Variants in IL1R2 observed in about 807,000 individuals in gnomAD.
IL1R2 encodes interleukin-1 receptor type 2.
Under a neutral mutation model 39.5 loss-of-function variants are expected in IL1R2, and 46 were observed. That is an observed-to-expected ratio of 1.16 (90% confidence interval 0.92 to 1.49). IL1R2 has a LOEUF of 1.49. IL1R2 is among the 40% of genes most tolerant of loss of function. The pLI is 0.00. For synonymous variants in IL1R2, 207 were observed against 189.6 expected (o/e 1.09, Z -0.75); for missense variants, 537 against 502.0 (o/e 1.07, Z -0.67).
chr2:101,997,127 G>C lies in IL1R2; in HGVS notation c.-62+5116G>C, dbSNP rs180901101. On this transcript the variant is annotated intron_variant, in intron 1 of 8. Transcript: ENST00000332549. ...ACGTGCTGACCTGGGGTAGGCACTG[G>C]CTTCTGTGGAGATGTCCCTGGACCT... 3.6e-4 allele frequency among the ~76,000 whole-genome samples: 55 copies of C among 152,278 alleles called. No individual in the cohort carries two copies. In the East Asian group the frequency reaches 9.5e-3, roughly 26 times the overall value.
intron 8 of IL1R2, 147 bp downstream of exon 8, chr2:102,026,400 A>G (rs1257229415): frequency 1.7e-5 from 11 of 656,474 alleles, no homozygotes. Context: ...GAAACCTCCC[A>G]TTTTTAAAGA....
At chr2:101,993,891 C>T (rs1675461669) in intron 1 of IL1R2, among the ~76,000 whole-genome samples, 1 of 152,112 alleles carries the variant, frequency 6.6e-6, no homozygotes, top group Non-Finnish European at 1.5e-5. Flanking sequence ...TGGAACCTCC[C>T]AGCGCCGCAT....
At chr2:102,019,584 C>A (rs1677226509) in intron 4 of IL1R2, 54 bp from the exon 5 acceptor site, 2 of 1,209,868 alleles carry the variant, frequency 1.7e-6, no homozygotes, top group Middle Eastern at 2.0e-4. Flanking sequence ...TAATTCATAG[C>A]CTTTGAGATG....
In IL1R2 at chr2:102,027,938, G is replaced by A. The variant is rs555306129; in HGVS notation, c.1031-288G>A. Among the ~76,000 whole-genome samples, 15 of 152,162 alleles carry A rather than the reference G, an allele frequency of 9.9e-5. No homozygotes were observed. The South Asian group carries it at 2.7e-3, about 27-fold the overall frequency. On this transcript the variant is annotated intron_variant, in intron 8 of 8. Coordinates refer to ENST00000332549, the MANE Select transcript of IL1R2 (RefSeq NM_004633.4). ...GACATAAACAGACAGCATCTTAAAC[G>A]CACAGTGTCCCACTGTTGGAACAAA... is the stretch of plus-strand genomic sequence containing the variant.
At chr2:102,013,923 T>G (rs1676825420) in intron 3 of IL1R2, among the ~76,000 whole-genome samples, 1 of 152,122 alleles carries the variant, frequency 6.6e-6, no homozygotes, top group Non-Finnish European at 1.5e-5. Flanking sequence ...GTGCTCAGAA[T>G]AGGGAGAACT....
intron 1 of IL1R2, among the ~76,000 whole-genome samples, chr2:101,994,628 C>G (rs771895594): frequency 2.0e-5 from 3 of 152,098 alleles, no homozygotes; most frequent in Non-Finnish European, 2.9e-5. Flanking sequence ...CTTTGAGAAC[C>G]CTTTCCTTAG....
chr2:101,995,491 C>T (rs765988464), intron 1 of IL1R2, among the ~76,000 whole-genome samples: 2 of 152,156 alleles, frequency 1.3e-5, no homozygotes, highest in African/African-American at 2.4e-5. Context: ...ACAGCCCAAA[C>T]GATACCTTGA....
At chr2:102,025,192 A>G (rs530597008) in intron 7 of IL1R2, among the ~76,000 whole-genome samples, 1 of 152,250 alleles carries the variant, frequency 6.6e-6, no homozygotes, top group Non-Finnish European at 1.5e-5. Context: ...AGACTCGAAC[A>G]ATCAGACCTT....
In IL1R2 at chr2:102,003,422, TCCCA is replaced by T. The variant is rs1446362163; in HGVS notation, c.-61-5092_-61-5089del. Among the ~76,000 whole-genome samples the T allele has an allele frequency of 1.1e-3, 146 of 128,726 alleles. 36 individuals are homozygous for T. Among genetic ancestry groups the T allele is most frequent in the East Asian group, 4.9e-3 (18 of 3,676 alleles). The allele number at this position is 128,726 out of a possible 152,430, so 84.4% of individuals were successfully genotyped here. On this transcript the variant is annotated intron_variant, in intron 1 of 8. Transcript: ENST00000332549. Reference sequence around the variant, plus strand: ...TCTGTGTCTTTGTCCCCTGTCTGTGTCCCATGTCTGTGTCTGTGTCTGGCTGTGG... The same window carrying T: ...TCTGTGTCTTTGTCCCCTGTCTGTGTTGTCTGTGTCTGTGTCTGGCTGTGG...
chr2:102,015,754 C>A, intron 3 of IL1R2, 117 bp from the exon 4 acceptor site: 1 of 812,078 alleles, frequency 1.2e-6, no homozygotes. Flanking sequence ...ACCATCTGTA[C>A]TAATCCAGAA....
intron 1 of IL1R2, among the ~76,000 whole-genome samples, chr2:101,998,753 G>A (rs924395005): frequency 6.6e-6 from 1 of 152,170 alleles, no homozygotes; most frequent in African/African-American, 2.4e-5. Flanking sequence ...GGTGGTCTCA[G>A]GGCAGTTGGA....
Position 102,009,725 on chromosome 2 carries a change from G to C in IL1R2, c.231G>C (p.Thr77=). The C allele has an allele frequency of 6.2e-7, 1 of 1,614,168 alleles. No individual in the cohort carries two copies. The highest frequency in any genetic ancestry group is 1.3e-5 in the African/African-American group (1 of 75,016). The change falls in exon 3 of 9, where the codon ACG becomes ACC. Residue 77 remains threonine, a synonymous_variant. Coordinates refer to ENST00000332549, the MANE Select transcript of IL1R2 (RefSeq NM_004633.4). The stretch of plus-strand genomic sequence containing the variant: ...GGCATAAAAATGACTCTGCTAGGAC[G>C]GTCCCAGGAGAAGAAGAGACACGGA... ...LTWHKNDSAR[T]VPGEEETRMW...
At chr2:101,995,917 T>C (rs537461567) in intron 1 of IL1R2, among the ~76,000 whole-genome samples, 1 of 151,978 alleles carries the variant, frequency 6.6e-6, no homozygotes, top group African/African-American at 2.4e-5. Context: ...CAGGAGCAAG[T>C]GAGTGGATTG....
chr2:102,019,923 C>A, intron 5 of IL1R2, 111 bp downstream of exon 5: 2 of 863,132 alleles, frequency 2.3e-6, no homozygotes, highest in Non-Finnish European at 1.8e-6. Flanking sequence ...TGAAGGATAA[C>A]GGAAAACAGA....
Position 102,028,399 on chromosome 2 carries a change from T to G in IL1R2, c.*7T>G, listed in dbSNP as rs1677867830. 3.8e-6 allele frequency: 6 copies of G among 1,577,008 alleles called. No individual in the cohort carries two copies. Among genetic ancestry groups the G allele is most frequent in the Middle Eastern group, 1.7e-4 (1 of 5,978 alleles). On this transcript the variant is annotated 3_prime_UTR_variant, in exon 9 of 9. Coordinates refer to ENST00000332549, the MANE Select transcript of IL1R2 (RefSeq NM_004633.4). ...TCAATCCTATCCCAAGTGAAATAAA[T>G]GGAATGAAATAATTCAAACACAAAC...
intron 5 of IL1R2, among the ~76,000 whole-genome samples, chr2:102,020,240 A>T (rs993293441): frequency 1.3e-5 from 2 of 152,230 alleles, no homozygotes; most frequent in African/African-American, 4.8e-5. Context: ...TTGCACATCC[A>T]GTGGAAATTG....
chr2:102,009,327 T>C (rs889320662), intron 2 of IL1R2, among the ~76,000 whole-genome samples: 2 of 152,212 alleles, frequency 1.3e-5, no homozygotes, highest in African/African-American at 4.8e-5. Flanking sequence ...TAAGTTGGAA[T>C]GGATAGTAGC....
At chr2:102,007,358 G>A (rs796918819) in intron 1 of IL1R2, among the ~76,000 whole-genome samples, 52 of 152,266 alleles carry the variant, frequency 3.4e-4, no homozygotes, top group African/African-American at 9.6e-4. Context: ...ATCTCTTGGC[G>A]CATGTCAGAG....
intron 4 of IL1R2, among the ~76,000 whole-genome samples, chr2:102,018,924 G>A (rs1019822460): frequency 3.9e-5 from 6 of 152,102 alleles, no homozygotes; most frequent in East Asian, 1.9e-4. Context: ...CTGTGTTCTC[G>A]TTCGGAGTAA....
Sources: allele counts gnomAD v4.1 joint callset (sites outside exome capture counted in the v4.1 genomes callset), GRCh38; gene constraint gnomAD v4.1.1; transcripts MANE v1.5; gene names NCBI Gene and HGNC (gene_info 2026-07-23, HGNC 2026-07-21).